Variants in SIPA1L3 observed in about 807,000 individuals in gnomAD.
The protein encoded by SIPA1L3 is signal-induced proliferation-associated 1-like protein 3.
In SIPA1L3, 59 loss-of-function variants were observed where a neutral mutation model predicts 150.1. The ratio of observed to expected loss-of-function variants is 0.39; its 90% CI spans 0.32 to 0.49. The LOEUF is 0.49. SIPA1L3 is among the 20% of genes least tolerant of loss of function. The probability of loss-of-function intolerance (pLI) is 0.86; values close to 1 mark genes in which losing one functional copy is unlikely to be tolerated. For synonymous variants in SIPA1L3, 1,070 were observed against 1,077.6 expected, an observed-to-expected ratio of 0.99 and a Z score of 0.14; for missense variants, 2,211 against 2,489.5, an observed-to-expected ratio of 0.89 and a Z score of 2.38.
At chr19:38,105,847 G>A (rs1371020670) in intron 6 of SIPA1L3, among the ~76,000 whole-genome samples, 3 of 152,186 alleles carry the variant, frequency 2.0e-5, no homozygotes. Flanking sequence ...CCATATCCCA[G>A]GACACGTGTG....
intron 4 of SIPA1L3, among the ~76,000 whole-genome samples, chr19:38,098,425 C>T (rs577302798): frequency 3.9e-4 from 56 of 142,118 alleles, no homozygotes; most frequent in African/African-American, 1.5e-3. Context: ...GAGACAGTCT[C>T]GCTCTGTCAC....
intron 1 of SIPA1L3, among the ~76,000 whole-genome samples, chr19:37,951,625 G>A (rs978851892): frequency 2.6e-5 from 4 of 152,026 alleles, no homozygotes; most frequent in Non-Finnish European, 5.9e-5. Context: ...CGGGCCAGGC[G>A]CAGCGGCTCA....
chr19:38,183,937 G>T (rs563406923), intron 16 of SIPA1L3, among the ~76,000 whole-genome samples: 2 of 152,324 alleles, frequency 1.3e-5, no homozygotes, highest in Non-Finnish European at 2.9e-5. Context: ...GAGGGTTCAG[G>T]AGAAAAGGGT....
chr19:38,162,223 A>G, intron 13 of SIPA1L3, 30 bp from the exon 14 acceptor site: 1 of 1,573,660 alleles, frequency 6.4e-7, no homozygotes, highest in Non-Finnish European at 8.8e-7. Context: ...GTCACTCCTA[A>G]CCACTGGTGT....
intron 2 of SIPA1L3, among the ~76,000 whole-genome samples, chr19:38,040,918 G>A (rs890217469): frequency 3.3e-5 from 5 of 151,638 alleles, no homozygotes; most frequent in African/African-American, 4.8e-5. Flanking sequence ...CCACCACCAC[G>A]CCCAGCTAAT....
At chr19:37,976,415 G>A (rs1967078070) in intron 1 of SIPA1L3, among the ~76,000 whole-genome samples, 1 of 152,148 alleles carries the variant, frequency 6.6e-6, no homozygotes, top group Non-Finnish European at 1.5e-5. Flanking sequence ...GGGAAGCAGT[G>A]CCGGCCAGTC....
intron 1 of SIPA1L3, among the ~76,000 whole-genome samples, chr19:37,913,412 C>T (rs907804164): frequency 6.6e-6 from 1 of 152,070 alleles, no homozygotes; most frequent in African/African-American, 2.4e-5. Context: ...AGGATCATTT[C>T]ACTTTGTGTT....
chr19:38,141,034 G>A (rs998133793), intron 10 of SIPA1L3, 150 bp from the exon 11 acceptor site: 1 of 872,794 alleles, frequency 1.1e-6, no homozygotes, highest in Non-Finnish European at 1.7e-6. Flanking sequence ...CTCCAGCCTG[G>A]GCGACAAAGC....
rs564556081 is a variant in SIPA1L3, at chr19:38,036,542, C to T, written c.-311+7386C>T. ...TCCGTGGAGTGCTTGGCCCATTCCC[C>T]GCTTCTGTTCTTTCACTGAGTTCCG... On this transcript the variant is annotated intron_variant, in intron 2 of 21. Transcript: ENST00000222345. Among the ~76,000 whole-genome samples the T allele has an allele frequency of 1.6e-4, 24 of 152,346 alleles. No individual in the cohort carries two copies. In the South Asian group the frequency reaches 3.3e-3, roughly 21 times the overall value.
intron 16 of SIPA1L3, among the ~76,000 whole-genome samples, chr19:38,186,465 A>T (rs1972680044): frequency 6.7e-6 from 1 of 148,682 alleles, no homozygotes; most frequent in East Asian, 2.0e-4. Flanking sequence ...TGCGCATACC[A>T]CCATGTCTGG....
rs561622590 is a variant in SIPA1L3, at chr19:38,126,034, C to T, written c.2869-4464C>T. 6.6e-5 allele frequency among the ~76,000 whole-genome samples: 10 copies of T among 152,166 alleles called. No individual in the cohort carries two copies. The East Asian group carries it at 1.7e-3, about 26-fold the overall frequency. ...TAAACATACGAAAAAATTAGCCGGGCGTGGTGGCGGGCTCCTGTAGTCCCA... is the reference window on the plus strand; with the variant it reads ...TAAACATACGAAAAAATTAGCCGGGTGTGGTGGCGGGCTCCTGTAGTCCCA... On this transcript the variant is annotated intron_variant, in intron 9 of 21. Coordinates refer to ENST00000222345, the MANE Select transcript of SIPA1L3 (RefSeq NM_015073.3).
At chr19:38,004,275 A>G (rs1467990299) in intron 1 of SIPA1L3, among the ~76,000 whole-genome samples, 1 of 152,232 alleles carries the variant, frequency 6.6e-6, no homozygotes, top group African/African-American at 2.4e-5. Context: ...AAAAGTGGGC[A>G]TTTAACCAGA....
chr19:38,129,327 CAAG>C (rs1298187597), intron 9 of SIPA1L3, among the ~76,000 whole-genome samples: 1 of 151,942 alleles, frequency 6.6e-6, no homozygotes, highest in African/African-American at 2.4e-5. Context: ...TTTCTTCCTC[CAAG>C]AATGGTGTCA....
At chr19:38,102,462 C>A (rs1432322710) in intron 6 of SIPA1L3, among the ~76,000 whole-genome samples, 2 of 151,868 alleles carry the variant, frequency 1.3e-5, no homozygotes, top group African/African-American at 2.4e-5. Flanking sequence ...TGAGCCACTA[C>A]ACCTGGCAAA....
chr19:38,150,528 A>AG (rs1278708638), intron 12 of SIPA1L3, among the ~76,000 whole-genome samples: 2 of 113,726 alleles, frequency 1.8e-5, no homozygotes, highest in Non-Finnish European at 3.5e-5. Context: ...CAATATCAAC[A>AG]CTTTTTTTTT....
intron 12 of SIPA1L3, among the ~76,000 whole-genome samples, chr19:38,150,440 C>T (rs1310903250): frequency 6.6e-6 from 1 of 151,836 alleles, no homozygotes. Context: ...TTGGGGGATC[C>T]TAGTTTATCA....
intron 12 of SIPA1L3, among the ~76,000 whole-genome samples, chr19:38,148,308 G>A (rs1002589698): frequency 2.7e-5 from 4 of 150,790 alleles, no homozygotes; most frequent in South Asian, 2.1e-4. Flanking sequence ...CTGAGATCGC[G>A]CCACTGCACT....
intron 1 of SIPA1L3, among the ~76,000 whole-genome samples, chr19:37,935,855 A>C (rs2046595810): frequency 6.6e-6 from 1 of 152,202 alleles, no homozygotes; most frequent in South Asian, 2.1e-4. Flanking sequence ...GCCCAGATTC[A>C]GTATGGGAGG....
chr19:38,042,459 A>G (rs1023063826), intron 2 of SIPA1L3, among the ~76,000 whole-genome samples: 1 of 152,154 alleles, frequency 6.6e-6, no homozygotes, highest in Non-Finnish European at 1.5e-5. Flanking sequence ...AAATTTTAAG[A>G]TTGCTTAAAG....
Sources: gnomAD v4.1 joint callset for allele counts (sites outside exome capture counted in the v4.1 genomes callset) on GRCh38, gnomAD v4.1.1 for gene constraint, MANE v1.5 for transcripts, NCBI Gene and HGNC (gene_info 2026-07-23, HGNC 2026-07-21) for gene names.